HIVEP3: variants seen among roughly 807,000 people sequenced by gnomAD.
The protein encoded by HIVEP3 is HIVEP zinc finger 3.
In HIVEP3, 49 loss-of-function variants were observed where a neutral mutation model predicts 152.8. The ratio of observed to expected loss-of-function variants is 0.32; its 90% CI spans 0.26 to 0.41. The LOEUF is 0.41. HIVEP3 is among the 10% of genes least tolerant of loss of function. The pLI, the probability that HIVEP3 is intolerant of heterozygous loss-of-function variation, is 1.00. For missense variants in HIVEP3, 2,790 were observed against 3,103.3 expected (o/e 0.90, Z 2.40); for synonymous variants, 1,269 against 1,289.0 (o/e 0.98, Z 0.33).
chr1:42,008,106 C>G (rs1042653244), intron 1 of HIVEP3, among the ~76,000 whole-genome samples: 1 of 150,862 alleles, frequency 6.6e-6, no homozygotes, highest in African/African-American at 2.5e-5. Flanking sequence ...TAAATTGACT[C>G]TAAAACATAA....
At chr1:41,953,372 C>T (rs1645121256) in intron 1 of HIVEP3, among the ~76,000 whole-genome samples, 1 of 152,156 alleles carries the variant, frequency 6.6e-6, no homozygotes, top group African/African-American at 2.4e-5. Context: ...GTCTTTGCCT[C>T]AGCCTCATGT....
intron 5 of HIVEP3, among the ~76,000 whole-genome samples, chr1:41,531,458 T>A (rs1233537471): frequency 4.2e-5 from 1 of 23,612 alleles, no homozygotes; most frequent in Non-Finnish European, 8.4e-5. Context: ...ATGGAGGACA[T>A]GAGAGATAGA....
In HIVEP3 at chr1:41,512,786, G is replaced by A. The variant is rs114540421; in HGVS notation, c.6405+30C>T. On this transcript the variant is annotated intron_variant, in intron 8 of 8. Transcript: ENST00000372583. Reference sequence around the variant, plus strand: ...CAACCCCTGCACCCACAGGGGAGAAGCGGCCCAGCCACCAGGGGCAGGAAC... The same window carrying A: ...CAACCCCTGCACCCACAGGGGAGAAACGGCCCAGCCACCAGGGGCAGGAAC... 237 of 1,455,146 alleles carry A rather than the reference G, an allele frequency of 1.6e-4. 1 individual carries two copies. In the African/African-American group the frequency reaches 2.8e-3, roughly 17 times the overall value. The allele number at this position is 1,455,146 out of a possible 1,614,324, so 90.1% of individuals were successfully genotyped here. A position where few individuals can be genotyped will look rare whatever the true frequency, so the allele number is the denominator to read the frequency against.
At chr1:41,713,270 T>C (rs1646542409) in intron 1 of HIVEP3, among the ~76,000 whole-genome samples, 1 of 152,174 alleles carries the variant, frequency 6.6e-6, no homozygotes, top group African/African-American at 2.4e-5. Context: ...TTGTTTTCTC[T>C]TTCTGGGTCT....
intron 1 of HIVEP3, among the ~76,000 whole-genome samples, chr1:41,970,482 C>T (rs1645222854): frequency 6.6e-6 from 1 of 152,066 alleles, no homozygotes; most frequent in Admixed American, 6.6e-5. Context: ...GGGAGCTGAA[C>T]AATGTGAACA....
At chr1:41,516,647 C>T (rs1472044081) in intron 7 of HIVEP3, among the ~76,000 whole-genome samples, 1 of 151,960 alleles carries the variant, frequency 6.6e-6, no homozygotes, top group Non-Finnish European at 1.5e-5. Context: ...TCCAGGGCAC[C>T]CCCCCATGCC....
At chr1:41,599,469 A>G (rs1189681133) in intron 3 of HIVEP3, among the ~76,000 whole-genome samples, 2 of 152,226 alleles carry the variant, frequency 1.3e-5, no homozygotes, top group Admixed American at 1.3e-4. Context: ...ATAATAGAGT[A>G]GAAAGACAAA....
At chr1:41,958,437 T>C (rs644311) in intron 1 of HIVEP3, among the ~76,000 whole-genome samples, 88,525 of 152,118 alleles carry the variant, frequency 0.58, 26,134 homozygotes, top group East Asian at 0.71. Context: ...GGCAGAGCTG[T>C]AAATCTTGAA....
chr1:41,761,918 C>T (rs928456095), intron 1 of HIVEP3, among the ~76,000 whole-genome samples: 2 of 152,202 alleles, frequency 1.3e-5, no homozygotes, highest in Non-Finnish European at 2.9e-5. Flanking sequence ...CAGTTTAAAG[C>T]CTGAAAGCCG....
chr1:41,842,550 T>G (rs991772703), intron 1 of HIVEP3, among the ~76,000 whole-genome samples: 2 of 152,116 alleles, frequency 1.3e-5, no homozygotes, highest in African/African-American at 2.4e-5. Flanking sequence ...TCCATGCCAA[T>G]CAGGAGGTCT....
At chr1:41,731,639 G>T (rs1351881273) in intron 1 of HIVEP3, among the ~76,000 whole-genome samples, 1 of 152,180 alleles carries the variant, frequency 6.6e-6, no homozygotes, top group Non-Finnish European at 1.5e-5. Context: ...AACAGCCTAT[G>T]GAGATGCCCA....
chr1:42,018,745 A>C (rs932250956), intron 1 of HIVEP3, among the ~76,000 whole-genome samples: 2 of 152,076 alleles, frequency 1.3e-5, no homozygotes, highest in Non-Finnish European at 2.9e-5. Context: ...ACTCTTTATC[A>C]GCCCATAGAC....
At chr1:41,896,242 T>A (rs1477168405) in intron 1 of HIVEP3, among the ~76,000 whole-genome samples, 2 of 152,230 alleles carry the variant, frequency 1.3e-5, no homozygotes, top group Non-Finnish European at 1.5e-5. Context: ...AAACTCTCAA[T>A]ACATAGTAGC....
intron 1 of HIVEP3, among the ~76,000 whole-genome samples, chr1:41,755,605 A>C (rs1303905141): frequency 2.5e-5 from 1 of 39,276 alleles, no homozygotes; most frequent in Non-Finnish European, 1.7e-4. Flanking sequence ...AAAACACAGC[A>C]GTCAAAAAAA....
At chr1:41,636,489 A>G (rs1176627901) in intron 2 of HIVEP3, among the ~76,000 whole-genome samples, 1 of 152,250 alleles carries the variant, frequency 6.6e-6, no homozygotes, top group Non-Finnish European at 1.5e-5. Flanking sequence ...TAAGCATTAC[A>G]TAAAACAAAA....
In HIVEP3 at chr1:41,582,776, G is replaced by A. The variant is rs1227229031; in HGVS notation, c.2022C>T (p.Pro674=). 1 of 1,614,182 alleles carries A rather than the reference G, an allele frequency of 6.2e-7. No individual in the cohort carries two copies. The highest frequency in any genetic ancestry group is 1.7e-5 in the Admixed American group (1 of 60,022). ...YYCSELQIAK[P]ISAGTHTSPE... is the part of the protein sequence containing the mutation. ...GAGATGTGTGGGTGCCTGCAGAGAT[G>A]GGCTTTGCGATCTGAAGCTCTGAGC... is the stretch of plus-strand genomic sequence containing the variant. The change falls in exon 4 of 9, where the codon CCC becomes CCT. Residue 674 remains proline (P), a synonymous_variant. Transcript: ENST00000372583. This position sits in a 1 kb window ranked among gnomAD's most constrained non-coding sequence, Gnocchi z 4.7.
intron 1 of HIVEP3, among the ~76,000 whole-genome samples, chr1:42,013,291 T>C (rs1408249256): frequency 6.6e-6 from 1 of 152,218 alleles, no homozygotes; most frequent in East Asian, 1.9e-4. Context: ...ACCACTGTAA[T>C]AGACCTTCTC....
At chr1:41,675,915 G>A (rs1241505410) in intron 2 of HIVEP3, among the ~76,000 whole-genome samples, 6 of 151,214 alleles carry the variant, frequency 4.0e-5, no homozygotes, top group South Asian at 2.1e-4. Context: ...GACACATAAT[G>A]TTATGGAGCT....
At chr1:41,642,810 CCT>C (rs1645395426) in intron 2 of HIVEP3, among the ~76,000 whole-genome samples, 1 of 152,156 alleles carries the variant, frequency 6.6e-6, no homozygotes, top group African/African-American at 2.4e-5. Flanking sequence ...TCCACATGAT[CCT>C]CTCGGTTCTT....
Sources: gnomAD v4.1 joint callset for allele counts (sites outside exome capture counted in the v4.1 genomes callset) on GRCh38, gnomAD v4.1.1 for gene constraint, Gnocchi (gnomAD v3.1) non-coding constraint, MANE v1.5 for transcripts, NCBI Gene and HGNC (gene_info 2026-07-23, HGNC 2026-07-21) for gene names.